PCDH15: variants seen among roughly 807,000 people sequenced by gnomAD.
PCDH15 encodes protocadherin related 15, also known as protocadherin-15.
A neutral mutation model predicts 178.5 loss-of-function variants in PCDH15; 129 were observed. The ratio of observed to expected loss-of-function variants is 0.72; its 90% CI spans 0.63 to 0.84. The LOEUF is 0.84. Among genes scored for constraint, PCDH15 ranks in the 40% least tolerant of loss-of-function variants. The pLI is 0.00. For missense variants in PCDH15, 2,230 were observed against 2,099.9 expected (o/e 1.06, Z -1.21); for synonymous variants, 800 against 732.0 (o/e 1.09, Z -1.50).
At chr10:54,604,591 G>C (rs537190512) in intron 2 of PCDH15, among the ~76,000 whole-genome samples, 3 of 151,738 alleles carry the variant, frequency 2.0e-5, no homozygotes, top group African/African-American at 7.2e-5. Context: ...TAGCCATTCT[G>C]CTTTCTTTTC....
chr10:55,092,283 C>A (rs1216532658), intron 2 of PCDH15, among the ~76,000 whole-genome samples: 1 of 151,856 alleles, frequency 6.6e-6, no homozygotes, highest in African/African-American at 2.4e-5. Context: ...AAAAGCAACA[C>A]AGCTTCCAAC....
chr10:53,932,306 G>A (rs984201546), intron 25 of PCDH15, among the ~76,000 whole-genome samples: 1 of 152,168 alleles, frequency 6.6e-6, no homozygotes, highest in African/African-American at 2.4e-5. Flanking sequence ...GGTCCTTTGG[G>A]TTGGTTTGGG....
chr10:54,652,363 A>G (rs2094281643), intron 2 of PCDH15, among the ~76,000 whole-genome samples: 1 of 152,204 alleles, frequency 6.6e-6, no homozygotes. Flanking sequence ...GAATTAGGGC[A>G]GGGACACCTG....
intron 37 of PCDH15, chr10:53,807,934 C>A (rs1309158136): frequency 6.6e-6 from 1 of 152,070 alleles, no homozygotes. Flanking sequence ...GTGTTTTTCT[C>A]AAAATAGTAT....
intron 5 of PCDH15, among the ~76,000 whole-genome samples, chr10:54,358,254 G>T (rs868214764): frequency 6.6e-6 from 1 of 151,374 alleles, no homozygotes; most frequent in South Asian, 2.1e-4. Context: ...GAAAGTTTTC[G>T]CAACCTACTC....
chr10:55,308,480 C>G (rs1410209301), intron 1 of PCDH15, among the ~76,000 whole-genome samples: 1 of 152,134 alleles, frequency 6.6e-6, no homozygotes, highest in East Asian at 1.9e-4. Flanking sequence ...TGTTGTTAAT[C>G]TCATTATTTT....
chr10:54,759,890 G>A (rs541738216), intron 1 of PCDH15, among the ~76,000 whole-genome samples: 11 of 152,250 alleles, frequency 7.2e-5, no homozygotes, highest in Admixed American at 1.3e-4. Flanking sequence ...ACTATGCCCT[G>A]AGCAAAAACA....
intron 2 of PCDH15, among the ~76,000 whole-genome samples, chr10:55,070,518 C>T (rs1841706647): frequency 6.6e-6 from 1 of 152,144 alleles, no homozygotes; most frequent in Non-Finnish European, 1.5e-5. Flanking sequence ...TTTCCCAGCA[C>T]CATTTTTTAA....
At chr10:54,603,118 T>A (rs566217745) in intron 2 of PCDH15, among the ~76,000 whole-genome samples, 55 of 152,180 alleles carry the variant, frequency 3.6e-4, no homozygotes, top group African/African-American at 1.2e-3. Context: ...GTAGGATGTA[T>A]CTTTCTAGGA....
At chr10:54,302,778 C>T (rs915523603) in intron 8 of PCDH15, among the ~76,000 whole-genome samples, 2 of 152,158 alleles carry the variant, frequency 1.3e-5, no homozygotes, top group Non-Finnish European at 1.5e-5. Flanking sequence ...GTCGCTCCTC[C>T]TTTGACCTCA....
intron 3 of PCDH15, among the ~76,000 whole-genome samples, chr10:54,414,956 GA>G (rs1249762374): frequency 6.6e-6 from 1 of 151,612 alleles, no homozygotes; most frequent in Non-Finnish European, 1.5e-5. Flanking sequence ...GAACGTATTA[GA>G]AAAAAAATTG....
intron 37 of PCDH15, among the ~76,000 whole-genome samples, chr10:53,807,798 C>T (rs1379832833): frequency 6.6e-6 from 1 of 152,044 alleles, no homozygotes; most frequent in Non-Finnish European, 1.5e-5. Context: ...CCTAGTAATA[C>T]ACAAAACTGA....
intron 26 of PCDH15, among the ~76,000 whole-genome samples, chr10:53,878,873 G>T (rs565577010): frequency 6.6e-6 from 1 of 152,196 alleles, no homozygotes; most frequent in South Asian, 2.1e-4. Context: ...CCACTTATTA[G>T]ATACATGAGC....
At chr10:55,342,602 G>A (rs951471147) in intron 2 of PCDH15, among the ~76,000 whole-genome samples, 1 of 152,110 alleles carries the variant, frequency 6.6e-6, no homozygotes, top group South Asian at 2.1e-4. Flanking sequence ...GAATCATTGT[G>A]CCTGTGGTTG....
Position 55,430,842 on chromosome 10 carries a change from A to G in PCDH15, c.-156+196783T>C, listed in dbSNP as rs1430406421. Among the ~76,000 whole-genome samples, 8 of 152,220 alleles carry G rather than the reference A, an allele frequency of 5.3e-5. 1 individual carries two copies. Among genetic ancestry groups the G allele is most frequent in the Admixed American group, 5.2e-4 (8 of 15,278 alleles). On this transcript the variant is annotated intron_variant, in intron 2 of 5. Transcript: ENST00000613346. ...TAAACTGGCTTTAGTTAATAATTAT[A>G]TTAGGAATTCACGACTACCCAGTTT... is the stretch of plus-strand genomic sequence containing the variant.
chr10:54,392,438 C>T (rs187835316), intron 3 of PCDH15, among the ~76,000 whole-genome samples: 3 of 128,878 alleles, frequency 2.3e-5, no homozygotes, highest in Admixed American at 2.0e-4. Context: ...TGCACTCCAG[C>T]CTGGCTTGGG....
At chr10:55,260,487 TTTCA>T (rs772426885) in intron 1 of PCDH15, among the ~76,000 whole-genome samples, 4,563 of 152,234 alleles carry the variant, frequency 0.03, 122 homozygotes, top group African/African-American at 0.077. Context: ...AAAACACAAC[TTTCA>T]AATACTAATA....
At chr10:55,286,426 AT>A (rs1418066322) in intron 1 of PCDH15, among the ~76,000 whole-genome samples, 5 of 151,520 alleles carry the variant, frequency 3.3e-5, no homozygotes, top group African/African-American at 1.2e-4. Context: ...TACATAAGTT[AT>A]TGTAATACAG....
chr10:54,901,673 C>T (rs6481130), intron 2 of PCDH15, among the ~76,000 whole-genome samples: 110,659 of 152,080 alleles, frequency 0.73, 40,722 homozygotes, highest in East Asian at 0.89. Context: ...GTAGTCCTTA[C>T]ATGACTCATA....
Sources: allele counts gnomAD v4.1 joint callset (sites outside exome capture counted in the v4.1 genomes callset), GRCh38; gene constraint gnomAD v4.1.1; transcripts MANE v1.5; gene names NCBI Gene and HGNC (gene_info 2026-07-23, HGNC 2026-07-21).